The following ADCY5 variants were observed in gnomAD, a reference collection of about 807,000 sequenced individuals.
ADCY5 encodes the protein adenylate cyclase type 5.
ADCY5 carries 30 observed loss-of-function variants against 119.7 expected under a neutral mutation model. That is an observed-to-expected ratio of 0.25 (90% CI 0.19 to 0.34). The LOEUF (loss-of-function observed/expected upper bound fraction) is 0.34. ADCY5 is among the 10% of genes least tolerant of loss of function. The probability of loss-of-function intolerance (pLI) is 1.00; values close to 1 mark genes in which losing one functional copy is unlikely to be tolerated. For synonymous variants in ADCY5, 753 were observed against 762.2 expected (o/e 0.99, Z 0.20); for missense variants, 1,324 against 1,775.2 (o/e 0.75, Z 4.57).
intron 3 of ADCY5, among the ~76,000 whole-genome samples, chr3:123,343,394 G>C (rs1942377336): frequency 6.6e-6 from 1 of 152,184 alleles, no homozygotes; most frequent in African/African-American, 2.4e-5. Flanking sequence ...TTACAGGTGA[G>C]GAAACTGAGG....
chr3:123,393,714 C>A (rs1306651695), intron 1 of ADCY5, among the ~76,000 whole-genome samples: 1 of 152,068 alleles, frequency 6.6e-6, no homozygotes, highest in Non-Finnish European at 1.5e-5. Flanking sequence ...TGAACTCAGG[C>A]CTTCCTGCAG....
At chr3:123,432,744 CTCTA>C (rs1945546228) in intron 1 of ADCY5, among the ~76,000 whole-genome samples, 1 of 152,172 alleles carries the variant, frequency 6.6e-6, no homozygotes, top group African/African-American at 2.4e-5. Context: ...CCAGGCTGGT[CTCTA>C]ACTCCTGGCC....
intron 1 of ADCY5, among the ~76,000 whole-genome samples, chr3:123,383,446 T>C (rs1391323199): frequency 1.3e-5 from 2 of 152,164 alleles, no homozygotes; most frequent in African/African-American, 4.8e-5. Context: ...CTGTCAAGGC[T>C]TAGCGGGGAG....
intron 1 of ADCY5, among the ~76,000 whole-genome samples, chr3:123,370,603 CATG>C (rs1227364434): frequency 2.6e-5 from 4 of 152,228 alleles, no homozygotes; most frequent in African/African-American, 9.6e-5. Flanking sequence ...GGAGCAACCC[CATG>C]GAACTGAATC....
rs138064279 is a variant in ADCY5 at position 123,356,428 on chromosome 3, G to T, written c.1135-3847C>A. ...CCTTTAGTTTTGACAAATGTACAAAGGCAATTACATGAAAGGAGTCTTTTA... is the reference window on the plus strand; with the variant it reads ...CCTTTAGTTTTGACAAATGTACAAATGCAATTACATGAAAGGAGTCTTTTA... On this transcript the variant is annotated intron_variant, in intron 1 of 20. Coordinates refer to ENST00000462833, the MANE Select transcript of ADCY5 (RefSeq NM_183357.3). 4.8e-3 allele frequency among the ~76,000 whole-genome samples: 737 copies of T among 152,238 alleles called. 3 individuals carry two copies. Among genetic ancestry groups the T allele is most frequent in the African/African-American group, 0.017 (714 of 41,546 alleles).
Position 123,327,695 on chromosome 3 carries a change from A to C in ADCY5, c.1870T>G (p.Cys624Gly), listed in dbSNP as rs112218029. ...LNGDYEVEPG[C>G]GGERNAYLKE... is the part of the protein sequence containing the mutation. ...AGGTAGGCGTTGCGCTCGCCCCCAC[A>C]GCCTGGCTCCACCTCGTAGTCCCCA... The change falls in exon 7 of 21, where the codon TGT becomes GGT. Residue 624 changes from cysteine (C) to glycine (G), a missense_variant. Physicochemically the swap from Cys to Gly is radical, Grantham distance 159. Transcript: ENST00000462833. 1 of 1,614,110 alleles carries C rather than the reference A, an allele frequency of 6.2e-7. No homozygotes were observed.
intron 3 of ADCY5, among the ~76,000 whole-genome samples, chr3:123,345,769 G>GACAGACAGACACACAGACACACACAC (rs57198270): frequency 8.8e-6 from 1 of 113,762 alleles, no homozygotes; most frequent in Non-Finnish European, 1.7e-5. Context: ...CAGACAGACA[G>GACAGACAGACACACAGACACACACAC]ACACACACAC....
At chr3:123,397,995 A>C (rs1453616879) in intron 1 of ADCY5, among the ~76,000 whole-genome samples, 2 of 152,126 alleles carry the variant, frequency 1.3e-5, no homozygotes, top group African/African-American at 4.8e-5. Flanking sequence ...TCCTGTTGAA[A>C]AGTCTACCTG....
chr3:123,359,932 C>A (rs1943188682), intron 1 of ADCY5, among the ~76,000 whole-genome samples: 2 of 152,128 alleles, frequency 1.3e-5, no homozygotes, highest in South Asian at 4.1e-4. Flanking sequence ...GCTCAGGGAA[C>A]CTCAGTGGAA....
At chr3:123,412,775 G>A (rs1945086072) in intron 1 of ADCY5, among the ~76,000 whole-genome samples, 1 of 151,676 alleles carries the variant, frequency 6.6e-6, no homozygotes, top group African/African-American at 2.4e-5. Context: ...AGAAACATCT[G>A]GATCCTTCCT....
intron 3 of ADCY5, among the ~76,000 whole-genome samples, chr3:123,336,114 T>C (rs1333296134): frequency 6.6e-6 from 1 of 152,296 alleles, no homozygotes; most frequent in African/African-American, 2.4e-5. Context: ...ATGCCCGGTA[T>C]CTGGTGTGGC....
At chr3:123,379,588 T>G (rs1943959591) in intron 1 of ADCY5, among the ~76,000 whole-genome samples, 2 of 148,412 alleles carry the variant, frequency 1.3e-5, no homozygotes, top group South Asian at 2.2e-4. Context: ...CAGGGAGCAG[T>G]GGGAAGGGAG....
chr3:123,392,439 C>G (rs76970532), intron 1 of ADCY5, among the ~76,000 whole-genome samples: 9,818 of 152,118 alleles, frequency 0.065, 779 homozygotes, highest in East Asian at 0.25. Context: ...TAGATGGGCT[C>G]GGTCTGCAGG....
intron 3 of ADCY5, among the ~76,000 whole-genome samples, chr3:123,340,613 C>T (rs903527942): frequency 2.0e-5 from 3 of 152,118 alleles, no homozygotes; most frequent in Admixed American, 6.5e-5. Context: ...TTCTTGCTGG[C>T]TGCTGGCTCC....
intron 1 of ADCY5, among the ~76,000 whole-genome samples, chr3:123,431,544 T>C (rs367825511): frequency 1.8e-4 from 28 of 152,306 alleles, no homozygotes; most frequent in East Asian, 1.5e-3. Context: ...TTCAGGAATG[T>C]TGAGTGAGGT....
Position 123,304,117 on chromosome 3 carries a change from C to G in ADCY5, c.2509G>C (p.Val837Leu). ...ACCAGGGTGATGGTGAACACCCCAA[C>G]CAGGGTGCTGTTCATCTTGGACCGC... ...IVRSKMNSTL[V>L]GVFTITLVFL... Residue 837 changes from valine to leucine, a missense_variant, in exon 13 of 21, where the codon GTT becomes CTT. Physicochemically the swap from Val to Leu is conservative, Grantham distance 32. Around this residue, in one of 6 missense-constraint regions of ADCY5, gnomAD observed 424 missense variants for 546.8 expected, o/e 0.78. Coordinates refer to ENST00000462833, the MANE Select transcript of ADCY5 (RefSeq NM_183357.3). The G allele has an allele frequency of 3.1e-6, 5 of 1,613,826 alleles. No individual in the cohort carries two copies. The highest frequency in any genetic ancestry group is 4.2e-6 in the Non-Finnish European group (5 of 1,179,958).
chr3:123,398,188 G>A (rs1280640314), intron 1 of ADCY5, among the ~76,000 whole-genome samples: 1 of 152,126 alleles, frequency 6.6e-6, no homozygotes, highest in Non-Finnish European at 1.5e-5. Context: ...TGGAGGTCAG[G>A]TCTCGCCAGC....
intron 11 of ADCY5, among the ~76,000 whole-genome samples, chr3:123,316,470 T>G (rs1395559153): frequency 1.3e-5 from 2 of 152,206 alleles, no homozygotes; most frequent in Non-Finnish European, 2.9e-5. Flanking sequence ...ATTTCCCGGT[T>G]TTGATCATTA....
At chr3:123,308,301 T>C (rs1197834759) in intron 12 of ADCY5, among the ~76,000 whole-genome samples, 1 of 151,770 alleles carries the variant, frequency 6.6e-6, no homozygotes, top group Non-Finnish European at 1.5e-5. Flanking sequence ...CCTCCCAAAG[T>C]GCTGGGATTA....
Sources: gnomAD v4.1 joint callset for allele counts (sites outside exome capture counted in the v4.1 genomes callset) on GRCh38, gnomAD v4.1.1 for gene constraint, gnomAD v4.1.1 regional missense constraint, MANE v1.5 for transcripts, NCBI Gene and HGNC (gene_info 2026-07-23, HGNC 2026-07-21) for gene names.